The following CCDC192 variants were observed in gnomAD, a reference collection of about 807,000 sequenced individuals.
The protein encoded by CCDC192 is coiled-coil domain containing 192, also known as coiled-coil domain-containing protein 192.
In CCDC192 at chr5:127,881,832, G is replaced by A. The variant is rs565608595; in HGVS notation, c.535+6171G>A. On this transcript the variant is annotated intron_variant, in intron 6 of 6. Transcript: ENST00000514853. ...CATTTCCACACCTGAAATGCTTACA[G>A]CTCTATTTAGCAGAACTCAGTAAAA... 9.2e-5 allele frequency among the ~76,000 whole-genome samples: 14 copies of A among 152,286 alleles called. 1 individual carries two copies. In the South Asian group the frequency reaches 2.9e-3, roughly 32 times the overall value.
In CCDC192 at chr5:127,761,067, A is replaced by T. The variant is rs1469975323; in HGVS notation, c.222+6692A>T. Reference sequence around the variant, plus strand: ...TATCTATTCTGACTGGCTCCCCAACATCCTGCTCCCCTTCAAGCCCATTCT... The same window carrying T: ...TATCTATTCTGACTGGCTCCCCAACTTCCTGCTCCCCTTCAAGCCCATTCT... On this transcript the variant is annotated intron_variant, in intron 3 of 6. Transcript: ENST00000514853. 2.6e-5 allele frequency among the ~76,000 whole-genome samples: 4 copies of T among 152,228 alleles called. No individual in the cohort carries two copies. In the East Asian group the frequency reaches 7.7e-4, roughly 29 times the overall value.
chr5:127,888,221 G>A (rs1253242790), intron 6 of CCDC192, among the ~76,000 whole-genome samples: 1 of 151,846 alleles, frequency 6.6e-6, no homozygotes, highest in African/African-American at 2.4e-5. Flanking sequence ...TTCGAAACCA[G>A]CCTGGCAAAC....
At chr5:127,853,950 C>A (rs547622269) in intron 5 of CCDC192, among the ~76,000 whole-genome samples, 1 of 152,254 alleles carries the variant, frequency 6.6e-6, no homozygotes, top group Admixed American at 6.5e-5. Context: ...GCTTTTCACC[C>A]CACCCTTTCA....
intron 5 of CCDC192, among the ~76,000 whole-genome samples, chr5:127,833,840 G>T (rs1580726588): frequency 6.6e-6 from 1 of 152,052 alleles, no homozygotes; most frequent in Non-Finnish European, 1.5e-5. Flanking sequence ...TCAAGACAGA[G>T]AACTTGAAAA....
At chr5:127,723,988 C>G (rs1183755061) in intron 2 of CCDC192, among the ~76,000 whole-genome samples, 1 of 152,078 alleles carries the variant, frequency 6.6e-6, no homozygotes, top group Non-Finnish European at 1.5e-5. Context: ...TACTTAGGTT[C>G]AGAGAAATGG....
chr5:127,799,691 G>C (rs746130758), intron 5 of CCDC192, among the ~76,000 whole-genome samples: 18 of 152,150 alleles, frequency 1.2e-4, no homozygotes, highest in Non-Finnish European at 1.9e-4. Flanking sequence ...AATTCCTATA[G>C]TGTCTTCTTT....
At chr5:127,880,584 C>G (rs1161978842) in intron 6 of CCDC192, among the ~76,000 whole-genome samples, 1 of 150,176 alleles carries the variant, frequency 6.7e-6, no homozygotes, top group African/African-American at 2.5e-5. Context: ...CACATGTACC[C>G]TAAAACTTAA....
chr5:127,771,672 CAGA>C (rs1426925829), intron 3 of CCDC192, among the ~76,000 whole-genome samples: 1 of 152,170 alleles, frequency 6.6e-6, no homozygotes, highest in Admixed American at 6.5e-5. Flanking sequence ...CTTTGATAAG[CAGA>C]AGAATATCAT....
chr5:127,732,736 T>C (rs7726934), intron 2 of CCDC192, among the ~76,000 whole-genome samples: 72,207 of 151,898 alleles, frequency 0.48, 17,868 homozygotes, highest in African/African-American at 0.61. Flanking sequence ...CAAACTAATG[T>C]AGGAACAGAA....
chr5:127,741,067 G>T (rs200805536), intron 2 of CCDC192, among the ~76,000 whole-genome samples: 4 of 151,580 alleles, frequency 2.6e-5, no homozygotes, highest in African/African-American at 9.7e-5. Context: ...TGTTGTTGTC[G>T]TCATTGTTGT....
intron 3 of CCDC192, among the ~76,000 whole-genome samples, chr5:127,795,523 A>G (rs891972673): frequency 1.3e-5 from 2 of 151,910 alleles, no homozygotes; most frequent in African/African-American, 4.8e-5. Flanking sequence ...AGATTAAAAA[A>G]CTCAAGCCCA....
chr5:127,916,293 T>A (rs1561550481), intron 6 of CCDC192, among the ~76,000 whole-genome samples: 1 of 152,250 alleles, frequency 6.6e-6, no homozygotes, highest in Non-Finnish European at 1.5e-5. Context: ...TTTCTGCAGT[T>A]ATTTTCTCCA....
At chr5:127,795,667 G>A (rs1757128381) in intron 3 of CCDC192, among the ~76,000 whole-genome samples, 2 of 151,882 alleles carry the variant, frequency 1.3e-5, no homozygotes, top group Admixed American at 6.6e-5. Context: ...TGCAACCTCC[G>A]CCTCCTGGGT....
At chr5:127,805,857 T>C (rs1757753799) in intron 5 of CCDC192, among the ~76,000 whole-genome samples, 1 of 152,224 alleles carries the variant, frequency 6.6e-6, no homozygotes, top group Non-Finnish European at 1.5e-5. Context: ...ACCCCATGGC[T>C]CATCTTTCCC....
At chr5:127,903,327 C>T (rs1462114186) in intron 6 of CCDC192, among the ~76,000 whole-genome samples, 1 of 151,784 alleles carries the variant, frequency 6.6e-6, no homozygotes, top group Non-Finnish European at 1.5e-5. Flanking sequence ...ACTGCAACCT[C>T]TGCCTCCCAG....
chr5:127,927,937 CTTTTTTTTTT>C (rs1271788889), intron 6 of CCDC192, among the ~76,000 whole-genome samples: 1 of 117,718 alleles, frequency 8.5e-6, no homozygotes, highest in African/African-American at 3.3e-5. Context: ...TCTTATAGTT[CTTTTTTTTTT>C]TTTTTTTTTT....
At chr5:127,834,951 A>T (rs151849) in intron 5 of CCDC192, among the ~76,000 whole-genome samples, 1 of 152,050 alleles carries the variant, frequency 6.6e-6, no homozygotes, top group Non-Finnish European at 1.5e-5. Context: ...AGTTATTAGT[A>T]AACTTGACAT....
intron 5 of CCDC192, among the ~76,000 whole-genome samples, chr5:127,830,260 G>C (rs987437011): frequency 1.3e-5 from 2 of 152,150 alleles, no homozygotes; most frequent in Non-Finnish European, 2.9e-5. Context: ...CCCTGACCAG[G>C]CTTCTAAGAT....
chr5:127,831,386 G>A (rs1448360614), intron 5 of CCDC192, among the ~76,000 whole-genome samples: 3 of 152,014 alleles, frequency 2.0e-5, no homozygotes, highest in African/African-American at 7.2e-5. Context: ...GTGCGTGTGT[G>A]TGTGTGCATC....
Sources: gnomAD v4.1 joint callset for allele counts (sites outside exome capture counted in the v4.1 genomes callset) on GRCh38, gnomAD v4.1.1 for gene constraint, MANE v1.5 for transcripts, NCBI Gene and HGNC (gene_info 2026-07-23, HGNC 2026-07-21) for gene names.